The following PLEKHF2 variants were observed in gnomAD, a reference collection of about 807,000 sequenced individuals.
PLEKHF2 encodes pleckstrin homology and FYVE domain containing 2.
In PLEKHF2, 4 loss-of-function variants were observed where a neutral mutation model predicts 14.7. That is an observed-to-expected ratio of 0.27 (90% CI 0.13 to 0.62). PLEKHF2 has a LOEUF of 0.62. PLEKHF2 is among the 20% of genes least tolerant of loss of function. The pLI is 0.85. For synonymous variants in PLEKHF2, 90 were observed against 103.5 expected (o/e 0.87, Z 0.79); for missense variants, 201 against 307.7 (o/e 0.65, Z 2.60).
chr8:95,145,728 A>G (rs758907274), intron 1 of PLEKHF2, among the ~76,000 whole-genome samples: 40 of 152,082 alleles, frequency 2.6e-4, no homozygotes, highest in Non-Finnish European at 5.1e-4. Flanking sequence ...CTGGCCAAGT[A>G]TTTCTTTTTT....
At chr8:95,140,071 C>T (rs1339537289) in intron 1 of PLEKHF2, among the ~76,000 whole-genome samples, 1 of 152,182 alleles carries the variant, frequency 6.6e-6, no homozygotes, top group African/African-American at 2.4e-5. Context: ...TGTCCTGGAG[C>T]TCCCTGCCCA....
intron 1 of PLEKHF2, among the ~76,000 whole-genome samples, chr8:95,151,717 T>TGATC (rs1346110656): frequency 6.6e-6 from 1 of 152,094 alleles, no homozygotes; most frequent in Non-Finnish European, 1.5e-5. Flanking sequence ...TACTCAAGTA[T>TGATC]GATCGCCTGT....
rs1160935515 is a variant in PLEKHF2 at position 95,156,093 on chromosome 8, C to G, written c.*1299C>G. On this transcript the variant is annotated 3_prime_UTR_variant, in exon 2 of 2. Transcript: ENST00000315367. ...TGTTCACTCTTTACTTTTGAGGCAG[C>G]CATTAGGTTGAAAGTATATATTTAT... is the stretch of plus-strand genomic sequence containing the variant. 6.0e-6 allele frequency: 1 copy of G among 166,928 alleles called. No individual in the cohort carries two copies. Among genetic ancestry groups the G allele is most frequent in the African/African-American group, 2.4e-5 (1 of 41,394 alleles). 10.3% of individuals were successfully genotyped at this position (166,928 alleles called of 1,614,324 possible). A position where few individuals can be genotyped will look rare whatever the true frequency, so the allele number is the denominator to read the frequency against.
chr8:95,150,353 A>G (rs561517309), intron 1 of PLEKHF2, among the ~76,000 whole-genome samples: 7 of 152,292 alleles, frequency 4.6e-5, no homozygotes, highest in Admixed American at 1.3e-4. Context: ...GTGCATGCCC[A>G]TAGTTTTTCA....
intron 1 of PLEKHF2, among the ~76,000 whole-genome samples, chr8:95,140,759 C>T (rs1288956673): frequency 6.6e-6 from 1 of 152,182 alleles, no homozygotes; most frequent in Non-Finnish European, 1.5e-5. Context: ...CATCCCACCT[C>T]AACTCCTTGG....
intron 1 of PLEKHF2, among the ~76,000 whole-genome samples, chr8:95,139,065 C>T (rs1271784472): frequency 6.6e-6 from 1 of 152,098 alleles, no homozygotes; most frequent in Non-Finnish European, 1.5e-5. Context: ...ATATGAATAT[C>T]ATTTTAATTT....
In PLEKHF2 at chr8:95,154,401, AT is replaced by A; in HGVS notation, c.358del (p.Ser120GlnfsTer4). ...AVYAATATEK[S>X]EWMNHINKCV... ...TTTATGCTGCCACTGCTACGGAGAA[AT>A]CAGAATGGATGAATCATATAAATAA... On this transcript the variant is annotated frameshift_variant, in exon 2 of 2. Transcript: ENST00000315367. LOFTEE classifies it high-confidence loss of function. This position sits in a 1 kb window ranked among gnomAD's most constrained non-coding sequence, Gnocchi z 5.6. 6.2e-7 allele frequency: 1 copy of A among 1,614,142 alleles called. No individual in the cohort carries two copies. The highest frequency in any genetic ancestry group is 8.5e-7 in the Non-Finnish European group (1 of 1,179,990).
intron 1 of PLEKHF2, among the ~76,000 whole-genome samples, chr8:95,151,434 T>G (rs989071211): frequency 3.3e-5 from 5 of 151,964 alleles, no homozygotes; most frequent in Admixed American, 6.6e-5. Context: ...GTCTGGAATA[T>G]TCTCCCCTAT....
chr8:95,142,381 A>T (rs925231173), intron 1 of PLEKHF2, among the ~76,000 whole-genome samples: 1 of 152,032 alleles, frequency 6.6e-6, no homozygotes, highest in African/African-American at 2.4e-5. Context: ...CAGCCTCCCG[A>T]GTAGCTGGGA....
At chr8:95,139,848 T>A (rs540912223) in intron 1 of PLEKHF2, among the ~76,000 whole-genome samples, 3 of 151,872 alleles carry the variant, frequency 2.0e-5, no homozygotes, top group African/African-American at 7.3e-5. Flanking sequence ...CTGCTGATTG[T>A]GACCTTTTGG....
chr8:95,137,439 C>T (rs1014916205), intron 1 of PLEKHF2, among the ~76,000 whole-genome samples: 1 of 152,214 alleles, frequency 6.6e-6, no homozygotes, highest in Non-Finnish European at 1.5e-5. Context: ...GGATCCCACC[C>T]CAGGACAAAT....
chr8:95,137,771 C>T (rs1206878205), intron 1 of PLEKHF2, among the ~76,000 whole-genome samples: 1 of 152,132 alleles, frequency 6.6e-6, no homozygotes, highest in Non-Finnish European at 1.5e-5. Flanking sequence ...CTCCGGTGAC[C>T]CCCACTGCTA....
chr8:95,140,571 C>T (rs949325715), intron 1 of PLEKHF2, among the ~76,000 whole-genome samples: 2 of 152,220 alleles, frequency 1.3e-5, no homozygotes, highest in Non-Finnish European at 2.9e-5. Flanking sequence ...ATGCCTTCTC[C>T]TGACCTTGCC....
intron 1 of PLEKHF2, among the ~76,000 whole-genome samples, chr8:95,136,756 A>G (rs923248993): frequency 2.6e-4 from 40 of 152,286 alleles, no homozygotes; most frequent in African/African-American, 8.7e-4. Context: ...TCTTTGATGA[A>G]CCAGCTTTGT....
intron 1 of PLEKHF2, among the ~76,000 whole-genome samples, chr8:95,145,581 G>T (rs144823663): frequency 2.0e-5 from 3 of 151,764 alleles, no homozygotes; most frequent in African/African-American, 7.3e-5. Context: ...CCACCACCAC[G>T]CCTGGCTAAT....
At chr8:95,134,103 G>A (rs1172361319) in intron 1 of PLEKHF2, 73 bp downstream of exon 1, 2 of 151,728 alleles carry the variant, frequency 1.3e-5, no homozygotes, top group South Asian at 2.1e-4. Flanking sequence ...CTTTCCGGGC[G>A]CTTCCTCCCG....
At position 95,147,733 on chromosome 8, in the gene PLEKHF2, C is replaced by CA. The variant is rs1176762186; in HGVS notation, c.-14-6297dup. On this transcript the variant is annotated intron_variant, in intron 1 of 1. Coordinates refer to ENST00000315367, the MANE Select transcript of PLEKHF2 (RefSeq NM_024613.4). ...ATGATGCAATGGTGAAATATAGCAT[C>CA]ACTACTGTATCATTTCTCAAAAATA... is the stretch of plus-strand genomic sequence containing the variant. 1.7e-4 allele frequency among the ~76,000 whole-genome samples: 26 copies of CA among 152,064 alleles called. No individual in the cohort carries two copies. The East Asian group carries it at 4.2e-3, about 25-fold the overall frequency.
intron 1 of PLEKHF2, among the ~76,000 whole-genome samples, chr8:95,151,555 C>CT (rs930583051): frequency 8.7e-5 from 13 of 149,210 alleles, no homozygotes; most frequent in African/African-American, 3.1e-4. Context: ...TTAAAAATCA[C>CT]TTTAAAAAAA....
chr8:95,149,162 T>A (rs1479956128), intron 1 of PLEKHF2, among the ~76,000 whole-genome samples: 2 of 152,086 alleles, frequency 1.3e-5, no homozygotes, highest in East Asian at 3.8e-4. Flanking sequence ...GAAGAAAACA[T>A]TAAATTAAAT....
Sources: allele counts gnomAD v4.1 joint callset (sites outside exome capture counted in the v4.1 genomes callset), GRCh38; gene constraint gnomAD v4.1.1; non-coding constraint Gnocchi (gnomAD v3.1); transcripts MANE v1.5; gene names NCBI Gene and HGNC (gene_info 2026-07-23, HGNC 2026-07-21).